Variants in PPP6C observed in about 807,000 individuals in gnomAD.
PPP6C encodes the protein protein phosphatase 6 catalytic subunit.
A neutral mutation model predicts 39.8 loss-of-function variants in PPP6C; 11 were observed. The ratio of observed to expected loss-of-function variants is 0.28; its 90% CI spans 0.17 to 0.46. The LOEUF (loss-of-function observed/expected upper bound fraction) is 0.46, where lower values mean the gene tolerates loss of function less well. Among genes scored for constraint, PPP6C ranks in the 20% least tolerant of loss-of-function variants. The pLI, the probability that PPP6C is intolerant of heterozygous loss-of-function variation, is 1.00. For missense variants in PPP6C, 211 were observed against 373.9 expected, an observed-to-expected ratio of 0.56 and a Z score of 3.59; for synonymous variants, 129 against 130.3, an observed-to-expected ratio of 0.99 and a Z score of 0.07.
intron 1 of PPP6C, among the ~76,000 whole-genome samples, chr9:125,175,466 G>A (rs914294093): frequency 1.3e-4 from 20 of 151,418 alleles, no homozygotes; most frequent in Non-Finnish European, 2.1e-4. Context: ...GTGAAACCCC[G>A]TCTCTACTAA....
In PPP6C at chr9:125,149,630, A is replaced by G; in HGVS notation, c.*43T>C. ...GAGGGTAATACAAGAAAATTGGGGT[A>G]AGAAGAGGGCAGAAAAATGGGTCAG... On this transcript the variant is annotated 3_prime_UTR_variant, in exon 7 of 7. Transcript: ENST00000373547. 6.3e-7 allele frequency: 1 copy of G among 1,596,486 alleles called. No homozygotes were observed.
At chr9:125,151,577 C>A in intron 6 of PPP6C, 1 of 790,008 alleles carries the variant, frequency 1.3e-6, no homozygotes, top group South Asian at 1.3e-5. Flanking sequence ...CCTATTCAGT[C>A]ATGTCCCTTT....
intron 2 of PPP6C, among the ~76,000 whole-genome samples, chr9:125,167,014 C>T (rs892539056): frequency 2.6e-5 from 4 of 152,070 alleles, no homozygotes; most frequent in Non-Finnish European, 5.9e-5. Context: ...ATGCTTCCAC[C>T]TTAGCCTCTT....
chr9:125,152,230 C>T (rs1835966046), intron 6 of PPP6C, among the ~76,000 whole-genome samples: 2 of 152,120 alleles, frequency 1.3e-5, no homozygotes, highest in Non-Finnish European at 1.5e-5. Context: ...TTTGTACCTA[C>T]TCCTTTGATT....
intron 1 of PPP6C, among the ~76,000 whole-genome samples, chr9:125,186,938 CTTTTTTTTTTTTT>C (rs1168730026): frequency 1.2e-5 from 1 of 83,664 alleles, no homozygotes; most frequent in African/African-American, 5.0e-5. Flanking sequence ...ATTTTTCTTT[CTTTTTTTTTTTTT>C]TTTTTTTTTT....
At chr9:125,150,675 A>G in intron 6 of PPP6C, 1 of 965,818 alleles carries the variant, frequency 1.0e-6, no homozygotes, top group Non-Finnish European at 1.5e-6. Flanking sequence ...CTTCAGCGGC[A>G]GCTCCCACCA....
intron 2 of PPP6C, among the ~76,000 whole-genome samples, chr9:125,166,434 A>C (rs1272717590): frequency 6.6e-6 from 1 of 152,198 alleles, no homozygotes; most frequent in East Asian, 1.9e-4. Flanking sequence ...AAGTCTAAAT[A>C]ATCACAGTTT....
chr9:125,173,676 G>A (rs1363838348), intron 1 of PPP6C, among the ~76,000 whole-genome samples: 1 of 151,908 alleles, frequency 6.6e-6, no homozygotes, highest in Middle Eastern at 3.2e-3. Flanking sequence ...GGAGTGCAGT[G>A]GCGCAATCTC....
At chr9:125,158,505 G>C in intron 3 of PPP6C, 123 bp from the exon 4 acceptor site, 1 of 989,436 alleles carries the variant, frequency 1.0e-6, no homozygotes, top group Non-Finnish European at 1.4e-6. Flanking sequence ...TGAATTATTT[G>C]GAAATTTGAT....
chr9:125,153,952 G>A lies in PPP6C; in HGVS notation c.413C>T (p.Ala138Val). 1.2e-6 allele frequency: 2 copies of A among 1,611,412 alleles called. No individual in the cohort carries two copies. The highest frequency in any genetic ancestry group is 1.7e-6 in the Non-Finnish European group (2 of 1,177,668). Residue 138 changes from alanine to valine, a missense_variant, in exon 5 of 7, where the codon GCC becomes GTC. Physicochemically the swap from Ala to Val is moderately conservative, Grantham distance 64 (BLOSUM62 0). Coordinates refer to ENST00000373547, the MANE Select transcript of PPP6C (RefSeq NM_002721.5). ...AAAAACTTTGGTACAGTATCTCCAG[G>A]CATTAGCATTTCCATATTTGGTTTG... ...ECQTKYGNANAWRYCTKVFDM... is the reference protein window; with the variant it reads ...ECQTKYGNANVWRYCTKVFDM...
At position 125,158,220 on chromosome 9, in the gene PPP6C, CAG is replaced by C; in HGVS notation, c.379+19_379+20del. On this transcript the variant is annotated intron_variant, in intron 4 of 6. Coordinates refer to ENST00000373547, the MANE Select transcript of PPP6C (RefSeq NM_002721.5). ...AGGAAAGTAAAATAATATTCAGAAT[CAG>C]AGAAATAGGAATTCTTACCATAAAA... The C allele has an allele frequency of 6.3e-7, 1 of 1,578,018 alleles. No individual in the cohort carries two copies.
At chr9:125,160,616 G>A (rs141766584) in intron 3 of PPP6C, among the ~76,000 whole-genome samples, 2 of 152,258 alleles carry the variant, frequency 1.3e-5, no homozygotes, top group Non-Finnish European at 2.9e-5. Context: ...ATGATTGTGA[G>A]GCCTCTCCAG....
intron 2 of PPP6C, among the ~76,000 whole-genome samples, chr9:125,161,974 T>C (rs1828884939): frequency 1.3e-5 from 2 of 152,024 alleles, no homozygotes. Flanking sequence ...TTTAAACTTT[T>C]AACACTTAAT....
chr9:125,181,383 G>C (rs1388856914), intron 1 of PPP6C, among the ~76,000 whole-genome samples: 1 of 151,718 alleles, frequency 6.6e-6, no homozygotes, highest in Non-Finnish European at 1.5e-5. Context: ...TGTGCAGAAC[G>C]TGCAGGTTTG....
chr9:125,184,301 T>A lies in PPP6C; in HGVS notation c.75+5343A>T, dbSNP rs568391053. On this transcript the variant is annotated intron_variant, in intron 1 of 6. Coordinates refer to ENST00000373547, the MANE Select transcript of PPP6C (RefSeq NM_002721.5). ...TACTTGGGAGGCTGAGGCAGGAGAA[T>A]TGTTTGAACCCAGGAGGCAGAGGTT... is the stretch of plus-strand genomic sequence containing the variant. Among the ~76,000 whole-genome samples the A allele has an allele frequency of 7.2e-5, 11 of 152,122 alleles. No individual in the cohort carries two copies. In the South Asian group the frequency reaches 1.9e-3, roughly 26 times the overall value.
In PPP6C at chr9:125,153,895, T is replaced by C. The variant is rs570690946; in HGVS notation, c.459+11A>G. ...AGGAACGTACATGAGACTTTAAAAATAGAAACTTACAGCTGCTACTGTGAG... is the reference window on the plus strand; with the variant it reads ...AGGAACGTACATGAGACTTTAAAAACAGAAACTTACAGCTGCTACTGTGAG... On this transcript the variant is annotated intron_variant, in intron 5 of 6. Coordinates refer to ENST00000373547, the MANE Select transcript of PPP6C (RefSeq NM_002721.5). The C allele has an allele frequency of 1.5e-5, 24 of 1,589,086 alleles. No individual in the cohort carries two copies. The highest frequency in any genetic ancestry group is 3.3e-5 in the South Asian group (3 of 89,830).
At chr9:125,156,072 TATTG>T (rs373818242) in intron 4 of PPP6C, among the ~76,000 whole-genome samples, 95 of 152,278 alleles carry the variant, frequency 6.2e-4, no homozygotes, top group African/African-American at 1.8e-3. Flanking sequence ...TTATCCAAAA[TATTG>T]ATTATTTTGC....
intron 2 of PPP6C, 23 bp from the exon 3 acceptor site, chr9:125,160,929 G>C: frequency 6.6e-7 from 1 of 1,523,510 alleles, no homozygotes; most frequent in Non-Finnish European, 8.8e-7. Flanking sequence ...TGCAATACAT[G>C]CTGATTACAA....
rs57163595 is a variant in PPP6C, at chr9:125,188,793, CAATAATAAT to C, written c.75+842_75+850del. On this transcript the variant is annotated intron_variant, in intron 1 of 6. Transcript: ENST00000373547. Reference sequence around the variant, plus strand: ...AGTGAGACTCTATCTCAGTTAAAAACAATAATAATAATAATAATAATAATAATTAAAAAG... The same window carrying C: ...AGTGAGACTCTATCTCAGTTAAAAACAATAATAATAATAATAATTAAAAAG... 1.1e-4 allele frequency: 27 copies of C among 255,342 alleles called. 2 individuals are homozygous for C. The highest frequency in any genetic ancestry group is 6.5e-4 in the Admixed American group (11 of 16,838). The allele number at this position is 255,342 out of a possible 1,614,324, so 15.8% of individuals were successfully genotyped here.
Sources: gnomAD v4.1 joint callset for allele counts (sites outside exome capture counted in the v4.1 genomes callset) on GRCh38, gnomAD v4.1.1 for gene constraint, MANE v1.5 for transcripts, NCBI Gene and HGNC (gene_info 2026-07-23, HGNC 2026-07-21) for gene names.